ZZZ3: variants seen among roughly 807,000 people sequenced by gnomAD.
The protein encoded by ZZZ3 is ZZ-type zinc finger-containing protein 3.
A neutral mutation model predicts 95.2 loss-of-function variants in ZZZ3; 22 were observed. The ratio of observed to expected loss-of-function variants is 0.23; its 90% CI spans 0.17 to 0.33. ZZZ3 has a LOEUF of 0.33. Among genes scored for constraint, ZZZ3 ranks in the 10% least tolerant of loss-of-function variants. ZZZ3 has a pLI of 1.00. For synonymous variants in ZZZ3, 335 were observed against 358.9 expected (o/e 0.93, Z 0.75); for missense variants, 885 against 1,066.5 (o/e 0.83, Z 2.37).
At chr1:77,642,780 C>A (rs897790613) in intron 1 of ZZZ3, among the ~76,000 whole-genome samples, 1 of 152,008 alleles carries the variant, frequency 6.6e-6, no homozygotes, top group African/African-American at 2.4e-5. Context: ...AATGAAAATG[C>A]AGATAACCTT....
At chr1:77,606,542 C>T (rs887394494) in intron 5 of ZZZ3, among the ~76,000 whole-genome samples, 1 of 152,168 alleles carries the variant, frequency 6.6e-6, no homozygotes, top group African/African-American at 2.4e-5. Flanking sequence ...AGACTCAGTG[C>T]TGTGCTGCCT....
At chr1:77,674,961 A>G (rs1235389155) in intron 1 of ZZZ3, among the ~76,000 whole-genome samples, 11 of 151,940 alleles carry the variant, frequency 7.2e-5, no homozygotes, top group Admixed American at 7.2e-4. Context: ...CAAAAAAAAA[A>G]AAAAAAAGAA....
At chr1:77,662,292 A>C (rs904529529) in intron 1 of ZZZ3, among the ~76,000 whole-genome samples, 1 of 151,874 alleles carries the variant, frequency 6.6e-6, no homozygotes, top group Admixed American at 6.6e-5. Flanking sequence ...GACTACAGGC[A>C]TGAGCCACCG....
chr1:77,619,028 A>T (rs561215322), intron 5 of ZZZ3, among the ~76,000 whole-genome samples: 1 of 152,298 alleles, frequency 6.6e-6, no homozygotes, highest in South Asian at 2.1e-4. Flanking sequence ...TAGCTAACAG[A>T]ATAAAAATTT....
chr1:77,636,666 T>G (rs1668325074), intron 4 of ZZZ3, among the ~76,000 whole-genome samples: 1 of 140,466 alleles, frequency 7.1e-6, no homozygotes, highest in South Asian at 2.2e-4. Flanking sequence ...GTGATGTGAC[T>G]GCCCTTCAGC....
At chr1:77,603,027 T>TG (rs1232739535) in intron 5 of ZZZ3, among the ~76,000 whole-genome samples, 1 of 150,160 alleles carries the variant, frequency 6.7e-6, no homozygotes, top group African/African-American at 2.4e-5. Flanking sequence ...TATCTAGCAG[T>TG]GAAAAAAAAA....
chr1:77,589,646 G>C (rs904078514), intron 5 of ZZZ3, among the ~76,000 whole-genome samples: 5 of 151,668 alleles, frequency 3.3e-5, no homozygotes, highest in Non-Finnish European at 5.9e-5. Flanking sequence ...TTTTTGTAGG[G>C]ACAGGGTCTC....
intron 14 of ZZZ3, 119 bp from the exon 15 acceptor site, chr1:77,565,903 C>T (rs561977970): frequency 8.1e-6 from 10 of 1,227,234 alleles, no homozygotes; most frequent in East Asian, 7.6e-5. Context: ...AAATCTCCAA[C>T]GGAAAGTTAC....
intron 5 of ZZZ3, among the ~76,000 whole-genome samples, chr1:77,624,550 C>T (rs1020889609): frequency 1.3e-5 from 2 of 152,140 alleles, no homozygotes; most frequent in Admixed American, 1.3e-4. Context: ...ATGAGGGTTG[C>T]TGACCCAAAC....
chr1:77,595,624 T>C (rs1000002490), intron 5 of ZZZ3, among the ~76,000 whole-genome samples: 3 of 152,048 alleles, frequency 2.0e-5, no homozygotes, highest in Non-Finnish European at 4.4e-5. Context: ...TCACAAATTA[T>C]TGTAAAGTGT....
intron 1 of ZZZ3, among the ~76,000 whole-genome samples, chr1:77,664,025 C>T (rs1454402912): frequency 1.3e-5 from 2 of 151,596 alleles, no homozygotes; most frequent in Non-Finnish European, 2.9e-5. Flanking sequence ...GTTGGGATTA[C>T]AGGTGTGAGC....
At chr1:77,604,760 G>A (rs1665067883) in intron 5 of ZZZ3, among the ~76,000 whole-genome samples, 1 of 152,050 alleles carries the variant, frequency 6.6e-6, no homozygotes, top group African/African-American at 2.4e-5. Flanking sequence ...CTCTGCCACT[G>A]TAGTGCAAAA....
chr1:77,586,551 C>T (rs1663099825), intron 5 of ZZZ3, among the ~76,000 whole-genome samples: 1 of 152,056 alleles, frequency 6.6e-6, no homozygotes, highest in South Asian at 2.1e-4. Context: ...AACAAATTAC[C>T]ACAATTTTAC....
At chr1:77,663,625 T>C (rs1671006553) in intron 1 of ZZZ3, among the ~76,000 whole-genome samples, 1 of 152,212 alleles carries the variant, frequency 6.6e-6, no homozygotes. Flanking sequence ...ATATCCCTTA[T>C]TATGGACAAA....
chr1:77,653,681 A>C (rs933471393), intron 1 of ZZZ3, among the ~76,000 whole-genome samples: 2 of 152,018 alleles, frequency 1.3e-5, no homozygotes, highest in South Asian at 4.2e-4. Context: ...TGAACCTGGG[A>C]GGCGGAGGTT....
intron 5 of ZZZ3, among the ~76,000 whole-genome samples, chr1:77,630,623 C>T (rs1018563570): frequency 3.3e-5 from 5 of 152,118 alleles, no homozygotes; most frequent in Non-Finnish European, 7.3e-5. Context: ...TCCAAATACT[C>T]GAGACTCCTA....
chr1:77,573,214 G>C (rs1661585165), intron 12 of ZZZ3, among the ~76,000 whole-genome samples: 1 of 152,046 alleles, frequency 6.6e-6, no homozygotes, highest in Non-Finnish European at 1.5e-5. Context: ...CTGCCTCCCG[G>C]GTTCAGGCAA....
chr1:77,587,841 C>T (rs974504463), intron 5 of ZZZ3, among the ~76,000 whole-genome samples: 1 of 152,228 alleles, frequency 6.6e-6, no homozygotes, highest in African/African-American at 2.4e-5. Flanking sequence ...CCTCCTCTAC[C>T]TCAGCCTACT....
rs532954142 is a variant in ZZZ3 at position 77,574,309 on chromosome 1, G to A, written c.2331+1759C>T. On this transcript the variant is annotated intron_variant, in intron 12 of 14. Coordinates refer to ENST00000370801, the MANE Select transcript of ZZZ3 (RefSeq NM_015534.6). ...TTCTGGGCAGTGTGAGACAAAGGAA[G>A]TAAGTATTACATTGATGTCATTGAG... Among the ~76,000 whole-genome samples, 213 of 151,970 alleles carry A rather than the reference G, an allele frequency of 1.4e-3. 1 individual carries two copies. Among genetic ancestry groups the A allele is most frequent in the African/African-American group, 4.9e-3 (204 of 41,480 alleles).
Sources: allele counts gnomAD v4.1 joint callset (sites outside exome capture counted in the v4.1 genomes callset), GRCh38; gene constraint gnomAD v4.1.1; transcripts MANE v1.5; gene names NCBI Gene and HGNC (gene_info 2026-07-23, HGNC 2026-07-21).